BICD1: variants seen among roughly 807,000 people sequenced by gnomAD.
BICD1 encodes BICD cargo adaptor 1, also known as protein bicaudal D homolog 1.
BICD1 carries 35 observed loss-of-function variants against 92.5 expected under a neutral mutation model. The ratio of observed to expected loss-of-function variants is 0.38; its 90% confidence interval spans 0.29 to 0.50. The LOEUF (loss-of-function observed/expected upper bound fraction) is 0.50. Ranked by LOEUF, BICD1 falls within the 20% of genes least tolerant of loss-of-function variation. The pLI is 0.93. For synonymous variants in BICD1, 429 were observed against 465.1 expected (o/e 0.92, Z 1.00); for missense variants, 950 against 1,189.8 (o/e 0.80, Z 2.97).
chr12:32,107,196 G>A lies in BICD1; in HGVS notation c.-136G>A, dbSNP rs1205274315. On this transcript the variant is annotated 5_prime_UTR_variant, in exon 1 of 10. Transcript: ENST00000652176. ...CTGCCACCAGAGCCGGCGGGGCATCGCGCTGCTCATTCATCCGGCCGCACT... is the reference window on the plus strand; with the variant it reads ...CTGCCACCAGAGCCGGCGGGGCATCACGCTGCTCATTCATCCGGCCGCACT... 1 of 833,364 alleles carries A rather than the reference G, an allele frequency of 1.2e-6. No individual in the cohort carries two copies. Among genetic ancestry groups the A allele is most frequent in the Non-Finnish European group, 1.9e-6 (1 of 538,864 alleles). 51.6% of individuals were successfully genotyped at this position (833,364 alleles called of 1,614,324 possible).
At chr12:32,256,942 T>C (rs535647841) in intron 2 of BICD1, among the ~76,000 whole-genome samples, 2 of 152,244 alleles carry the variant, frequency 1.3e-5, no homozygotes, top group African/African-American at 2.4e-5. Flanking sequence ...TGGCTGGGTG[T>C]AGTGGCTCAC....
chr12:32,241,963 G>A (rs1316954153), intron 2 of BICD1, among the ~76,000 whole-genome samples: 3 of 151,982 alleles, frequency 2.0e-5, no homozygotes, highest in African/African-American at 7.2e-5. Context: ...GGAAGGATGA[G>A]GCAGGTGGAT....
chr12:32,294,936 G>A (rs1263761064), intron 3 of BICD1, among the ~76,000 whole-genome samples: 1 of 151,772 alleles, frequency 6.6e-6, no homozygotes, highest in Non-Finnish European at 1.5e-5. Context: ...ACAAAAATTA[G>A]CCAGGCATGT....
intron 1 of BICD1, among the ~76,000 whole-genome samples, chr12:32,165,464 C>G (rs112721966): frequency 0.1 from 15,435 of 151,684 alleles, 1,088 homozygotes; most frequent in Middle Eastern, 0.22. Flanking sequence ...TGCAGTGAGC[C>G]GAGATCGAGC....
At chr12:32,162,709 A>T (rs576879414) in intron 1 of BICD1, among the ~76,000 whole-genome samples, 19 of 152,302 alleles carry the variant, frequency 1.2e-4, no homozygotes, top group African/African-American at 4.6e-4. Flanking sequence ...GAGGTTGGGT[A>T]TGGTGGCTCA....
At chr12:32,194,383 A>G (rs1289507376) in intron 1 of BICD1, among the ~76,000 whole-genome samples, 3 of 152,184 alleles carry the variant, frequency 2.0e-5, no homozygotes, top group African/African-American at 7.2e-5. Flanking sequence ...AACAAAAGAC[A>G]TCCAAATTAG....
intron 4 of BICD1, among the ~76,000 whole-genome samples, chr12:32,321,416 T>C (rs1948652715): frequency 6.6e-6 from 1 of 152,160 alleles, no homozygotes; most frequent in Non-Finnish European, 1.5e-5. Flanking sequence ...AGTAAACATA[T>C]GTTGTATACT....
chr12:32,243,229 C>CT (rs1946281334), intron 2 of BICD1, among the ~76,000 whole-genome samples: 1 of 146,260 alleles, frequency 6.8e-6, no homozygotes, highest in South Asian at 2.2e-4. Flanking sequence ...TCCCAAGTAG[C>CT]TAGGATTACA....
Position 32,293,982 on chromosome 12 carries a change from C to T in BICD1, c.427-12C>T. On this transcript the variant is annotated splice_polypyrimidine_tract_variant and intron_variant, in intron 2 of 9. Coordinates refer to ENST00000652176, the MANE Select transcript of BICD1 (RefSeq NM_001714.4). ...GAGAGTTATATATTGACTGTTTACTCTGTTGTTTCAGAACAATGAGATGGT... is the reference window on the plus strand; with the variant it reads ...GAGAGTTATATATTGACTGTTTACTTTGTTGTTTCAGAACAATGAGATGGT... The T allele has an allele frequency of 6.2e-7, 1 of 1,610,590 alleles. No individual in the cohort carries two copies. The highest frequency in any genetic ancestry group is 8.5e-7 in the Non-Finnish European group (1 of 1,178,940).
rs761507628 is a variant in BICD1, at chr12:32,155,355, G to T, written c.213+47811G>T. The stretch of plus-strand genomic sequence containing the variant: ...TAGAGAGACTAAATCTAATTGATAT[G>T]CAAAAAGGAGAATTTCAGCTGTCCA... On this transcript the variant is annotated intron_variant, in intron 1 of 9. Transcript: ENST00000652176. Among the ~76,000 whole-genome samples the T allele has an allele frequency of 2.7e-4, 41 of 152,174 alleles. 1 individual carries two copies. Among genetic ancestry groups the T allele is most frequent in the Non-Finnish European group, 5.6e-4 (38 of 68,020 alleles).
In BICD1 at chr12:32,377,708, T is replaced by TA; in HGVS notation, c.*81_*82insA. ...ATACTGCCCAAGATCCAGCGGGTGTTTTCTTCTCGGTTGTTAGATGTACAA... is the reference window on the plus strand; with the variant it reads ...ATACTGCCCAAGATCCAGCGGGTGTTATTCTTCTCGGTTGTTAGATGTACAA... On this transcript the variant is annotated 3_prime_UTR_variant, in exon 10 of 10. Transcript: ENST00000652176. 7.8e-7 allele frequency: 1 copy of TA among 1,278,498 alleles called. No individual in the cohort carries two copies. Among genetic ancestry groups the TA allele is most frequent in the Non-Finnish European group, 1.1e-6 (1 of 878,340 alleles). 79.2% of individuals were successfully genotyped at this position (1,278,498 alleles called of 1,614,324 possible).
chr12:32,351,729 C>T (rs140969936), intron 8 of BICD1, among the ~76,000 whole-genome samples: 2,603 of 149,994 alleles, frequency 0.017, 76 homozygotes, highest in African/African-American at 0.06. Flanking sequence ...ATGGTAAAAC[C>T]CCATCTCTAC....
chr12:32,161,054 T>C (rs1199778893), intron 1 of BICD1, among the ~76,000 whole-genome samples: 1 of 152,190 alleles, frequency 6.6e-6, no homozygotes, highest in Non-Finnish European at 1.5e-5. Context: ...ATATCTAATA[T>C]TGCCTATAAC....
intron 1 of BICD1, among the ~76,000 whole-genome samples, chr12:32,145,811 C>G (rs1346621342): frequency 6.6e-6 from 1 of 152,198 alleles, no homozygotes; most frequent in Non-Finnish European, 1.5e-5. Flanking sequence ...ATTTGTACAT[C>G]ATGACAATAC....
At chr12:32,376,375 C>G (rs1320603478) in intron 9 of BICD1, among the ~76,000 whole-genome samples, 1 of 151,994 alleles carries the variant, frequency 6.6e-6, no homozygotes, top group Non-Finnish European at 1.5e-5. Context: ...GTGTGAGCCA[C>G]CGCGCCCGGC....
intron 1 of BICD1, among the ~76,000 whole-genome samples, chr12:32,170,048 C>T (rs917944804): frequency 6.6e-6 from 1 of 152,216 alleles, no homozygotes; most frequent in African/African-American, 2.4e-5. Flanking sequence ...ACACAGGGCC[C>T]ACATGAAACC....
rs1330522119 is a variant in BICD1 at position 32,327,523 on chromosome 12, C to T, written c.1068C>T (p.His356=). Residue 356 remains histidine, a synonymous_variant, in exon 5 of 10, where the codon CAC becomes CAT. Coordinates refer to ENST00000652176, the MANE Select transcript of BICD1 (RefSeq NM_001714.4). ...AGGAGTCACAGACACAGCTGGAACA[C>T]ACCAAGGGGGCACTGACGGAGCAGC... ...NLQESQTQLE[H]TKGALTEQHE... is the part of the protein sequence containing the mutation. 2.5e-6 allele frequency: 4 copies of T among 1,614,104 alleles called. No homozygotes were observed. Among genetic ancestry groups the T allele is most frequent in the Admixed American group, 3.3e-5 (2 of 60,010 alleles).
intron 1 of BICD1, among the ~76,000 whole-genome samples, chr12:32,161,051 A>G (rs747578857): frequency 6.6e-6 from 1 of 152,166 alleles, no homozygotes; most frequent in East Asian, 1.9e-4. Context: ...CTAATATCTA[A>G]TATTGCCTAT....
At chr12:32,140,979 A>G (rs760372229) in intron 1 of BICD1, among the ~76,000 whole-genome samples, 1 of 152,212 alleles carries the variant, frequency 6.6e-6, no homozygotes, top group Non-Finnish European at 1.5e-5. Context: ...TGACCCAGAA[A>G]GGAAAACACA....
Sources: allele counts gnomAD v4.1 joint callset (sites outside exome capture counted in the v4.1 genomes callset), GRCh38; gene constraint gnomAD v4.1.1; transcripts MANE v1.5; gene names NCBI Gene and HGNC (gene_info 2026-07-23, HGNC 2026-07-21).